UBR4: variants seen among roughly 807,000 people sequenced by gnomAD.
The protein encoded by UBR4 is E3 ubiquitin-protein ligase UBR4.
Under a neutral mutation model 575.6 loss-of-function variants are expected in UBR4, and 124 were observed. The ratio of observed to expected loss-of-function variants is 0.22; its 90% confidence interval spans 0.19 to 0.25. The LOEUF is 0.25. Ranked by LOEUF, UBR4 falls within the 10% of genes least tolerant of loss-of-function variation. The pLI, the probability that UBR4 is intolerant of heterozygous loss-of-function variation, is 1.00. For synonymous variants in UBR4, 2,455 were observed against 2,473.7 expected (o/e 0.99, Z 0.22); for missense variants, 4,818 against 6,478.8 (o/e 0.74, Z 8.80).
chr1:19,163,682 G>A (rs1571312749), intron 34 of UBR4, 82 bp downstream of exon 34: 1 of 1,446,920 alleles, frequency 6.9e-7, no homozygotes, highest in East Asian at 2.3e-5. Context: ...GAACTCAATA[G>A]GAACGAGAGA....
chr1:19,184,627 C>CTA (rs1230379405), intron 15 of UBR4, among the ~76,000 whole-genome samples: 1 of 152,046 alleles, frequency 6.6e-6, no homozygotes, highest in Non-Finnish European at 1.5e-5. Context: ...TGACTGTAAG[C>CTA]TATATATATG....
At chr1:19,176,025 G>A (rs752699562) in intron 20 of UBR4, among the ~76,000 whole-genome samples, 3 of 152,022 alleles carry the variant, frequency 2.0e-5, no homozygotes, top group Non-Finnish European at 4.4e-5. Context: ...GGGTTCAAGC[G>A]ATCTTCCCAC....
intron 49 of UBR4, 114 bp from the exon 50 acceptor site, chr1:19,148,740 C>A: frequency 7.0e-6 from 8 of 1,146,062 alleles, no homozygotes; most frequent in Non-Finnish European, 9.0e-6. Flanking sequence ...ATGCCAAATA[C>A]AAAATCAAAG....
chr1:19,172,853 G>C lies in UBR4; in HGVS notation c.3521+11C>G, dbSNP rs2089775413. On this transcript the variant is annotated intron_variant, in intron 25 of 105. Transcript: ENST00000375254. ...GTGCATGTGCATCTCTGGGCAGGCA[G>C]TTCGCCACACCTGGTGAACGATGCA... The C allele has an allele frequency of 6.2e-7, 1 of 1,613,736 alleles. No individual in the cohort carries two copies. The highest frequency in any genetic ancestry group is 1.3e-5 in the African/African-American group (1 of 75,052).
chr1:19,112,268 G>A (rs961258893), intron 78 of UBR4: 5 of 422,342 alleles, frequency 1.2e-5, no homozygotes, highest in South Asian at 5.0e-5. Context: ...AGGCCTCAGG[G>A]AGAGTTTCCT....
At chr1:19,151,315 C>T in intron 48 of UBR4, 1 of 419,840 alleles carries the variant, frequency 2.4e-6, no homozygotes, top group South Asian at 2.5e-5. Flanking sequence ...TTCCTCTGTG[C>T]GTTAAGAAAG....
At position 19,174,997 on chromosome 1, in the gene UBR4, G is replaced by A. The variant is rs939268662; in HGVS notation, c.2810C>T (p.Ser937Phe). The change falls in exon 21 of 106, where the codon TCC becomes TTC. Residue 937 changes from serine (S) to phenylalanine (F), a missense_variant. Coordinates refer to ENST00000375254, the MANE Select transcript of UBR4 (RefSeq NM_020765.3). ...CAAATCATCCTCTGAGGCTTCTGGG[G>A]ACAGGACACAGTAGAATCTGGGGTG... is the stretch of plus-strand genomic sequence containing the variant. ...VPHPRFYCVL[S>F]PEASEDDLNR... is the part of the protein sequence containing the mutation. 1.9e-6 allele frequency: 3 copies of A among 1,613,996 alleles called. No homozygotes were observed. The highest frequency in any genetic ancestry group is 2.5e-6 in the Non-Finnish European group (3 of 1,179,944).
intron 26 of UBR4, 107 bp downstream of exon 26, chr1:19,170,655 G>A: frequency 6.9e-7 from 1 of 1,459,794 alleles, no homozygotes; most frequent in Non-Finnish European, 9.3e-7. Flanking sequence ...ACACAAAAAG[G>A]CTCCAATAAA....
chr1:19,120,081 T>C lies in UBR4; in HGVS notation c.10310+99A>G. 4 of 1,384,284 alleles carry C rather than the reference T, an allele frequency of 2.9e-6. No individual in the cohort carries two copies. In the South Asian group the frequency reaches 5.3e-5, roughly 18 times the overall value. The allele number at this position is 1,384,284 out of a possible 1,614,324, so 85.8% of individuals were successfully genotyped here. A position where few individuals can be genotyped will look rare whatever the true frequency, so the allele number is the denominator to read the frequency against. On this transcript the variant is annotated intron_variant, in intron 69 of 105. Coordinates refer to ENST00000375254, the MANE Select transcript of UBR4 (RefSeq NM_020765.3). ...AGAGGATTCAGGCTGGCGTAACTAC[T>C]GACTCTGTGACCATATGTAACCGAA... is the stretch of plus-strand genomic sequence containing the variant.
chr1:19,201,002 G>A (rs1410656763), intron 2 of UBR4, among the ~76,000 whole-genome samples: 1 of 152,146 alleles, frequency 6.6e-6, no homozygotes, highest in Non-Finnish European at 1.5e-5. Context: ...TGGGCTTGGT[G>A]GCTTGTGCCT....
Position 19,121,252 on chromosome 1 carries a change from T to C in UBR4, c.10078A>G (p.Thr3360Ala). The C allele has an allele frequency of 6.2e-7, 1 of 1,614,228 alleles. No individual in the cohort carries two copies. The highest frequency in any genetic ancestry group is 8.5e-7 in the Non-Finnish European group (1 of 1,180,034). Residue 3360 changes from threonine (T) to alanine (A), a missense_variant, in exon 68 of 106, where the codon ACA (threonine) becomes GCA (alanine). By Grantham distance (58) the Thr-to-Ala change is moderately conservative. Coordinates refer to ENST00000375254, the MANE Select transcript of UBR4 (RefSeq NM_020765.3). ...TTAGTGGAAGACTTGGACTGTGTTG[T>C]GGCTTGTCCAGAACTGGCAGCCACA... ...APVAASSGQA[T>A]TQSKSSTKKS...
At chr1:19,192,859 T>C (rs1420692303) in intron 9 of UBR4, among the ~76,000 whole-genome samples, 1 of 152,060 alleles carries the variant, frequency 6.6e-6, no homozygotes, top group Non-Finnish European at 1.5e-5. Flanking sequence ...CCCGGCTCAC[T>C]GAAACCTCCA....
chr1:19,127,704 A>T lies in UBR4; in HGVS notation c.9147T>A (p.Asn3049Lys), dbSNP rs1289825043. 9.9e-6 allele frequency: 16 copies of T among 1,614,056 alleles called. No individual in the cohort carries two copies. The highest frequency in any genetic ancestry group is 1.3e-5 in the Non-Finnish European group (15 of 1,180,014). Residue 3049 changes from asparagine (N) to lysine (K), a missense_variant, in exon 63 of 106, where the codon AAT becomes AAA. Around this residue, in one of 29 missense-constraint regions of UBR4, gnomAD observed 550 missense variants for 791.5 expected, o/e 0.69. Transcript: ENST00000375254. ...VSKKNERSAL[N>K]EVHLVVMRLL... ...GTCTCATTACTACCAGATGGACTTC[A>T]TTCAGGGCGCTGCGCTCATTCTTCT... is the stretch of plus-strand genomic sequence containing the variant.
chr1:19,118,824 A>G, intron 71 of UBR4, 48 bp downstream of exon 71: 1 of 1,593,054 alleles, frequency 6.3e-7, no homozygotes, highest in South Asian at 1.1e-5. Context: ...ATAACTCCTC[A>G]GAATGCTGAC....
Position 19,148,595 on chromosome 1 carries a change from T to C in UBR4, c.7462A>G (p.Ser2488Gly), listed in dbSNP as rs1377979126. ...ATGATTGGGCCAACGGCAAAGCAGC[T>C]TTCCAGGGCTTCTAAAGAACTCACA... ...LVVSSLEALESCFAVGPIIEK... is the reference protein window; with the variant it reads ...LVVSSLEALEGCFAVGPIIEK... Residue 2488 changes from serine to glycine, a missense_variant, in exon 50 of 106, where the codon AGC (serine) becomes GGC (glycine). Coordinates refer to ENST00000375254, the MANE Select transcript of UBR4 (RefSeq NM_020765.3). 6.2e-7 allele frequency: 1 copy of C among 1,614,216 alleles called. No homozygotes were observed. The highest frequency in any genetic ancestry group is 8.5e-7 in the Non-Finnish European group (1 of 1,180,034).
chr1:19,198,068 C>A lies in UBR4; in HGVS notation c.649-19G>T, dbSNP rs1339825975. 1 of 1,609,684 alleles carries A rather than the reference C, an allele frequency of 6.2e-7. No homozygotes were observed. The highest frequency in any genetic ancestry group is 8.5e-7 in the Non-Finnish European group (1 of 1,177,528). On this transcript the variant is annotated intron_variant, in intron 5 of 105. Coordinates refer to ENST00000375254, the MANE Select transcript of UBR4 (RefSeq NM_020765.3). ...CTTCCACCTGAAAAGAAACATAAGG[C>A]CTGTCAAGATACTATTATCTCTTCA...
rs367685150 is a variant in UBR4 at position 19,139,327 on chromosome 1, T to C, written c.8594-107A>G. 5.8e-6 allele frequency: 8 copies of C among 1,385,610 alleles called. No individual in the cohort carries two copies. Among genetic ancestry groups the C allele is most frequent in the African/African-American group, 4.3e-5 (3 of 69,140 alleles). The allele number at this position is 1,385,610 out of a possible 1,614,324, so 85.8% of individuals were successfully genotyped here. ...GGGATGAAAGCATCAAACCACATAGTGCATAGGACACAATGCAGTTTATAT... is the reference window on the plus strand; with the variant it reads ...GGGATGAAAGCATCAAACCACATAGCGCATAGGACACAATGCAGTTTATAT... On this transcript the variant is annotated intron_variant, in intron 58 of 105. Coordinates refer to ENST00000375254, the MANE Select transcript of UBR4 (RefSeq NM_020765.3). The surrounding 1 kb of genome is among the most constrained non-coding windows in gnomAD (Gnocchi z 4.2).
chr1:19,190,371 A>T (rs2091977029), intron 11 of UBR4, among the ~76,000 whole-genome samples: 2 of 147,290 alleles, frequency 1.4e-5, no homozygotes, highest in South Asian at 4.3e-4. Flanking sequence ...GAATATGTCC[A>T]TTTTTATGTT....
chr1:19,206,338 C>CT (rs143493508), intron 1 of UBR4, among the ~76,000 whole-genome samples: 232 of 143,834 alleles, frequency 1.6e-3, no homozygotes, highest in Non-Finnish European at 2.2e-3. Context: ...CCCTGTCTCT[C>CT]TTTTTTTTTT....
Sources: gnomAD v4.1 joint callset for allele counts (sites outside exome capture counted in the v4.1 genomes callset) on GRCh38, gnomAD v4.1.1 for gene constraint, gnomAD v4.1.1 regional missense constraint, Gnocchi (gnomAD v3.1) non-coding constraint, MANE v1.5 for transcripts, NCBI Gene and HGNC (gene_info 2026-07-23, HGNC 2026-07-21) for gene names.